ERCC2: variants seen among roughly 807,000 people sequenced by gnomAD.
The protein encoded by ERCC2 is general transcription and DNA repair factor IIH helicase subunit XPD.
In ERCC2, 90 loss-of-function variants were observed where a neutral mutation model predicts 99.4. That is an observed-to-expected ratio of 0.91 (90% CI 0.76 to 1.08). The LOEUF is 1.08. Ranked by LOEUF, ERCC2 falls within the 50% of genes least tolerant of loss-of-function variation. The pLI is 0.00. For missense variants in ERCC2, 993 were observed against 1,038.1 expected (o/e 0.96, Z 0.60); for synonymous variants, 497 against 432.4 (o/e 1.15, Z -1.85).
intron 5 of ERCC2, among the ~76,000 whole-genome samples, chr19:45,366,304 G>A (rs768183325): frequency 9.2e-5 from 14 of 151,902 alleles, no homozygotes; most frequent in Non-Finnish European, 2.1e-4. Flanking sequence ...CACCACACCC[G>A]GCTAATTTTG....
intron 12 of ERCC2, chr19:45,357,969 C>T (rs146829289): frequency 1.4e-4 from 77 of 550,898 alleles, no homozygotes; most frequent in Non-Finnish European, 2.3e-4. Flanking sequence ...ACTGCTCACT[C>T]TCCCAGCACC....
intron 5 of ERCC2, among the ~76,000 whole-genome samples, chr19:45,365,502 T>G (rs1972396196): frequency 6.6e-6 from 1 of 152,108 alleles, no homozygotes; most frequent in African/African-American, 2.4e-5. Flanking sequence ...TCCCAGTTAC[T>G]CGGGAGGCTG....
Position 45,357,887 on chromosome 19 carries a change from C to T in ERCC2, c.1238-188G>A, listed in dbSNP as rs1972068901. 5 of 644,378 alleles carry T rather than the reference C, an allele frequency of 7.8e-6. No individual in the cohort carries two copies. The East Asian group carries it at 1.1e-4, about 14-fold the overall frequency. 39.9% of individuals were successfully genotyped at this position (644,378 alleles called of 1,614,324 possible). The stretch of plus-strand genomic sequence containing the variant: ...ATCTGAGTCCAAAATACACCCCAAC[C>T]TGTCCGCTTCGGGCCCACACCTGTG... On this transcript the variant is annotated intron_variant, in intron 12 of 22. Transcript: ENST00000391945.
rs753641926 is a variant in ERCC2 at position 45,353,113 on chromosome 19, G to A, written c.1801C>T (p.Arg601Trp). Residue 601 changes from arginine (R) to tryptophan (W), a missense_variant, in exon 19 of 23, where the codon CGG (arginine) becomes TGG (tryptophan). Physicochemically the swap from Arg to Trp is moderately radical, Grantham distance 101. This residue lies in a region of ERCC2 where 909 missense variants were observed against 930.8 expected (regional missense o/e 0.98). Coordinates refer to ENST00000391945, the MANE Select transcript of ERCC2 (RefSeq NM_000400.4). ...TCGATTCCCTCGGACACTTTGCCCC[G>A]GGCCACTGACAGCAGGATGGCCCCG... ...GRGAILLSVA[R>W]GKVSEGIDFV... The A allele has an allele frequency of 5.4e-5, 87 of 1,613,314 alleles. No homozygotes were observed. The highest frequency in any genetic ancestry group is 1.7e-4 in the Middle Eastern group (1 of 5,930).
rs752144394 is a variant in ERCC2 at position 45,369,098 on chromosome 19, A to G, written c.155T>C (p.Leu52Pro). 6.2e-7 allele frequency: 1 copy of G among 1,614,172 alleles called. No homozygotes were observed. The highest frequency in any genetic ancestry group is 8.5e-7 in the Non-Finnish European group (1 of 1,180,012). ...CTGGTATGCCATGATCAGGGCCAAC[A>G]GGGATACTGTCTTCCCGGTGCCTGA... is the stretch of plus-strand genomic sequence containing the variant. Reference protein sequence around the residue: ...MPSGTGKTVSLLALIMAYQRA... With the variant: ...MPSGTGKTVSPLALIMAYQRA... Residue 52 changes from leucine to proline, a missense_variant, in exon 3 of 23, where the codon CTG becomes CCG. Transcript: ENST00000391945.
rs1356286987 is a variant in ERCC2, at chr19:45,350,350, T to A, written c.*1279A>T. On this transcript the variant is annotated 3_prime_UTR_variant, in exon 23 of 23. Transcript: ENST00000391945. ...ACTCCCTTCTCCGCAGGCCTCAGCCTACCTGAAACAGAACAAGTATCAACA... is the reference window on the plus strand; with the variant it reads ...ACTCCCTTCTCCGCAGGCCTCAGCCAACCTGAAACAGAACAAGTATCAACA... The A allele has an allele frequency of 6.2e-7, 1 of 1,612,768 alleles. No individual in the cohort carries two copies. Among genetic ancestry groups the A allele is most frequent in the Non-Finnish European group, 8.5e-7 (1 of 1,179,912 alleles).
chr19:45,365,820 A>T (rs1389463651), intron 5 of ERCC2, among the ~76,000 whole-genome samples: 1 of 151,842 alleles, frequency 6.6e-6, no homozygotes, highest in Admixed American at 6.6e-5. Flanking sequence ...AAATTGTTAC[A>T]TTCTTACAAC....
At chr19:45,352,880 TCA>T in intron 19 of ERCC2, 64 bp from the exon 20 acceptor site, 1 of 1,492,304 alleles carries the variant, frequency 6.7e-7, no homozygotes, top group East Asian at 2.3e-5. Flanking sequence ...AGGGACAGCC[TCA>T]CGCGACCCAG....
rs1599721545 is a variant in ERCC2, at chr19:45,351,601, G to C, written c.*28C>G. 3.1e-6 allele frequency: 5 copies of C among 1,612,904 alleles called. No homozygotes were observed. The Admixed American group carries it at 5.0e-5, about 16-fold the overall frequency. Reference sequence around the variant, plus strand: ...CCAGGCAAGACTCAGGAGTCACCAGGAACCGTTTATGGCCCCACCCGCCCC... The same window carrying C: ...CCAGGCAAGACTCAGGAGTCACCAGCAACCGTTTATGGCCCCACCCGCCCC... On this transcript the variant is annotated 3_prime_UTR_variant, in exon 23 of 23. Coordinates refer to ENST00000391945, the MANE Select transcript of ERCC2 (RefSeq NM_000400.4).
chr19:45,352,812 G>A lies in ERCC2; in HGVS notation c.1836C>T (p.His612=). 2 of 1,613,724 alleles carry A rather than the reference G, an allele frequency of 1.2e-6. No homozygotes were observed. The highest frequency in any genetic ancestry group is 1.7e-6 in the Non-Finnish European group (2 of 1,179,810). Residue 612 remains histidine (H), a synonymous_variant, in exon 20 of 23, where the codon CAC becomes CAT. Coordinates refer to ENST00000391945, the MANE Select transcript of ERCC2 (RefSeq NM_000400.4). ...GKVSEGIDFV[H]HYGRAVIMFG... Reference sequence around the variant, plus strand: ...ACATGATGACGGCCCGCCCGTAGTGGTGCACTGGTGGGCAGAGGAGAGGGG... The same window carrying A: ...ACATGATGACGGCCCGCCCGTAGTGATGCACTGGTGGGCAGAGGAGAGGGG...
At position 45,350,643 on chromosome 19, in the gene ERCC2, C is replaced by T; in HGVS notation, c.*986G>A. 15 of 1,613,448 alleles carry T rather than the reference C, an allele frequency of 9.3e-6. No individual in the cohort carries two copies. The highest frequency in any genetic ancestry group is 1.3e-5 in the Non-Finnish European group (15 of 1,179,586). On this transcript the variant is annotated 3_prime_UTR_variant, in exon 23 of 23. Transcript: ENST00000391945. Reference sequence around the variant, plus strand: ...CAGCATCCCCGGCCCCTCCCCAGGCCCTTCGCCGCAGCAGCTCACTCTCCA... The same window carrying T: ...CAGCATCCCCGGCCCCTCCCCAGGCTCTTCGCCGCAGCAGCTCACTCTCCA...
At position 45,353,080 on chromosome 19, in the gene ERCC2, CA is replaced by C; in HGVS notation, c.1831+2del. On this transcript the variant is annotated splice_donor_variant, in intron 19 of 22. Coordinates refer to ENST00000391945, the MANE Select transcript of ERCC2 (RefSeq NM_000400.4). LOFTEE classifies it high-confidence loss of function. ...CTGGGGAGGAAGAGCCCAGTCCACT[CA>C]CCAAAGTCGATTCCCTCGGACACTT... 6.2e-7 allele frequency: 1 copy of C among 1,612,528 alleles called. No homozygotes were observed. The highest frequency in any genetic ancestry group is 8.5e-7 in the Non-Finnish European group (1 of 1,179,612).
Position 45,353,279 on chromosome 19 carries a change from C to G in ERCC2, c.1721G>C (p.Gly574Ala). The G allele has an allele frequency of 6.2e-7, 1 of 1,614,074 alleles. No individual in the cohort carries two copies. The highest frequency in any genetic ancestry group is 8.5e-7 in the Non-Finnish European group (1 of 1,179,984). The stretch of plus-strand genomic sequence containing the variant: ...CTCCAGGGCGACACTGGTTTCGGCA[C>G]CATCCTGGGTCTCAATAAAGAGCAG... Reference protein sequence around the residue: ...NKLLFIETQDGAETSVALEKY... With the variant: ...NKLLFIETQDAAETSVALEKY... Residue 574 changes from glycine (G) to alanine (A), a missense_variant, in exon 18 of 23, where the codon GGT (glycine) becomes GCT (alanine). Physicochemically the swap from Gly to Ala is moderately conservative, Grantham distance 60 (BLOSUM62 0). This residue lies in a region of ERCC2 where 909 missense variants were observed against 930.8 expected (regional missense o/e 0.98). Transcript: ENST00000391945.
At chr19:45,358,994 G>A in intron 12 of ERCC2, 1 of 681,156 alleles carries the variant, frequency 1.5e-6, no homozygotes, top group South Asian at 1.6e-5. Context: ...CCTCTGTGCT[G>A]GGGACACAGT....
At position 45,364,505 on chromosome 19, in the gene ERCC2, G is replaced by A. The variant is rs1326531771; in HGVS notation, c.637C>T (p.Leu213=). Residue 213 remains leucine (L), a synonymous_variant, in exon 8 of 23, where the codon CTG becomes TTG. Coordinates refer to ENST00000391945, the MANE Select transcript of ERCC2 (RefSeq NM_000400.4). ...ACCAGGTCTGCAATCTTGGGGTCCA[G>A]GAGGTAGTGGTAGCTATAAACCACC... ...NVVVYSYHYL[L]DPKIADLVSK... 1 of 1,613,896 alleles carries A rather than the reference G, an allele frequency of 6.2e-7. No homozygotes were observed. The highest frequency in any genetic ancestry group is 1.1e-5 in the South Asian group (1 of 91,076).
chr19:45,366,166 G>A (rs972082737), intron 5 of ERCC2, among the ~76,000 whole-genome samples: 17 of 151,920 alleles, frequency 1.1e-4, no homozygotes, highest in African/African-American at 3.9e-4. Context: ...TTTTTGAGAC[G>A]GAGTCTTGCT....
At chr19:45,357,860 G>A in intron 12 of ERCC2, 161 bp from the exon 13 acceptor site, 1 of 700,352 alleles carries the variant, frequency 1.4e-6, no homozygotes, top group Non-Finnish European at 2.5e-6. Context: ...CCCAAACCAG[G>A]CATCTGAGTC....
intron 5 of ERCC2, among the ~76,000 whole-genome samples, chr19:45,367,324 G>C (rs948884340): frequency 2.6e-5 from 4 of 151,426 alleles, no homozygotes; most frequent in African/African-American, 7.3e-5. Flanking sequence ...GACAGAGTGA[G>C]ACTCCGTCTC....
chr19:45,364,536 G>A lies in ERCC2; in HGVS notation c.606C>T (p.Ala202=), dbSNP rs1202714195. ...YFLARYSILH[A]NVVVYSYHYL... The stretch of plus-strand genomic sequence containing the variant: ...AGTGGTAGCTATAAACCACCACATT[G>A]GCATGCAGGATCTGGGGGGCCGGGG... The change falls in exon 8 of 23, where the codon GCC becomes GCT. Residue 202 remains alanine, a synonymous_variant. Transcript: ENST00000391945. 5 of 1,613,344 alleles carry A rather than the reference G, an allele frequency of 3.1e-6. No individual in the cohort carries two copies. Among genetic ancestry groups the A allele is most frequent in the Non-Finnish European group, 4.2e-6 (5 of 1,180,002 alleles).
Sources: gnomAD v4.1 joint callset for allele counts (sites outside exome capture counted in the v4.1 genomes callset) on GRCh38, gnomAD v4.1.1 for gene constraint, gnomAD v4.1.1 regional missense constraint, MANE v1.5 for transcripts, NCBI Gene and HGNC (gene_info 2026-07-23, HGNC 2026-07-21) for gene names.